The following LPCAT1 variants were observed in gnomAD, a reference collection of about 807,000 sequenced individuals.
LPCAT1 encodes lysophosphatidylcholine acyltransferase 1.
Under a neutral mutation model 60.9 loss-of-function variants are expected in LPCAT1, and 23 were observed. That is an observed-to-expected ratio of 0.38 (90% CI 0.27 to 0.53). The LOEUF (loss-of-function observed/expected upper bound fraction) is 0.53. LPCAT1 is among the 20% of genes least tolerant of loss of function. LPCAT1 has a pLI of 0.82. For synonymous variants in LPCAT1, 340 were observed against 301.1 expected (o/e 1.13, Z -1.34); for missense variants, 622 against 723.6 (o/e 0.86, Z 1.61).
At chr5:1,473,849 T>G in intron 11 of LPCAT1, 108 bp downstream of exon 11, 1 of 1,397,336 alleles carries the variant, frequency 7.2e-7, no homozygotes, top group Non-Finnish European at 9.6e-7. Context: ...TTTCCTTCTC[T>G]GCTTTCAAAT....
chr5:1,483,626 A>ACTAT lies in LPCAT1; in HGVS notation c.668-144_668-141dup, dbSNP rs1198166552. 3 of 762,940 alleles carry ACTAT rather than the reference A, an allele frequency of 3.9e-6. No homozygotes were observed. The highest frequency in any genetic ancestry group is 6.7e-6 in the Non-Finnish European group (3 of 451,000). 47.3% of individuals were successfully genotyped at this position (762,940 alleles called of 1,614,324 possible). ...GTCAGCAAGGGCACTCCATGCCTGG[A>ACTAT]CTATCTCAACATCTGTCCTGACCGT... On this transcript the variant is annotated intron_variant, in intron 5 of 13. Coordinates refer to ENST00000283415, the MANE Select transcript of LPCAT1 (RefSeq NM_024830.5). The surrounding 1 kb of genome is among the most constrained non-coding windows in gnomAD (Gnocchi z 9.2).
Position 1,523,542 on chromosome 5 carries a change from G to A in LPCAT1, c.135+168C>T, listed in dbSNP as rs1268715235. ...GAGACCGAGGCATCGGGTGCGGGCG[G>A]CGGGGACGCGAACTGAGGGGCGGCC... On this transcript the variant is annotated intron_variant, in intron 1 of 13. Coordinates refer to ENST00000283415, the MANE Select transcript of LPCAT1 (RefSeq NM_024830.5). This position sits in a 1 kb window ranked among gnomAD's most constrained non-coding sequence, Gnocchi z 7.1. 6.6e-6 allele frequency among the ~76,000 whole-genome samples: 1 copy of A among 150,606 alleles called. No homozygotes were observed. The highest frequency in any genetic ancestry group is 1.5e-5 in the Non-Finnish European group (1 of 67,480).
chr5:1,483,590 A>T lies in LPCAT1; in HGVS notation c.668-104T>A. On this transcript the variant is annotated intron_variant, in intron 5 of 13. Transcript: ENST00000283415. The surrounding 1 kb of genome is among the most constrained non-coding windows in gnomAD (Gnocchi z 9.2). ...GGGATAAAAGTGAGCTTTTCTGTCTAGGCCTTCCTGGTCAGCAAGGGCACT... is the reference window on the plus strand; with the variant it reads ...GGGATAAAAGTGAGCTTTTCTGTCTTGGCCTTCCTGGTCAGCAAGGGCACT... The T allele has an allele frequency of 8.2e-7, 1 of 1,223,174 alleles. No homozygotes were observed. Among genetic ancestry groups the T allele is most frequent in the Non-Finnish European group, 1.2e-6 (1 of 847,430 alleles). The allele number at this position is 1,223,174 out of a possible 1,614,324, so 75.8% of individuals were successfully genotyped here.
In LPCAT1 at chr5:1,481,008, GGGGCCTGCACCCA is replaced by G. The variant is rs1325713075; in HGVS notation, c.727-45_727-33del. The G allele has an allele frequency of 4.3e-6, 7 of 1,612,882 alleles. No individual in the cohort carries two copies. Among genetic ancestry groups the G allele is most frequent in the African/African-American group, 1.3e-5 (1 of 74,988 alleles). On this transcript the variant is annotated intron_variant, in intron 6 of 13. Transcript: ENST00000283415. This position sits in a 1 kb window ranked among gnomAD's most constrained non-coding sequence, Gnocchi z 7.8. ...AGGAAGAGGCAGGGTCAGTCAGCAT[GGGGCCTGCACCCA>G]GGGCCTGCACCAAGCACCTGCGTGT...
chr5:1,492,960 TG>T (rs1050061437), intron 3 of LPCAT1, among the ~76,000 whole-genome samples: 1 of 152,076 alleles, frequency 6.6e-6, no homozygotes, highest in Non-Finnish European at 1.5e-5. Context: ...TTTGCCACAG[TG>T]GGGGGGCAAA....
intron 5 of LPCAT1, among the ~76,000 whole-genome samples, chr5:1,486,939 G>A (rs1735392136): frequency 6.6e-6 from 1 of 152,224 alleles, no homozygotes; most frequent in East Asian, 1.9e-4. Flanking sequence ...TGCACACAGT[G>A]AGCTCCTACT....
At chr5:1,514,519 G>C (rs960753648) in intron 1 of LPCAT1, among the ~76,000 whole-genome samples, 4 of 152,162 alleles carry the variant, frequency 2.6e-5, no homozygotes, top group Non-Finnish European at 4.4e-5. Context: ...AAGTCCACAC[G>C]GGGCCCACAG....
At chr5:1,466,291 C>T (rs1734398618) in intron 13 of LPCAT1, among the ~76,000 whole-genome samples, 1 of 152,146 alleles carries the variant, frequency 6.6e-6, no homozygotes, top group African/African-American at 2.4e-5. Context: ...TGACTTTTCT[C>T]GGGAGGAAGT....
intron 13 of LPCAT1, among the ~76,000 whole-genome samples, chr5:1,465,509 G>A (rs915472591): frequency 2.1e-5 from 3 of 141,812 alleles, no homozygotes; most frequent in Non-Finnish European, 4.6e-5. Context: ...CAGTAAACAC[G>A]TGTGCACACA....
In LPCAT1 at chr5:1,479,641, G is replaced by A. The variant is rs375249372; in HGVS notation, c.796C>T (p.His266Tyr). The part of the protein sequence containing the change: ...EILWLTLCQF[H>Y]NQVEIEFLPV... Reference sequence around the variant, plus strand: ...CGAACCTCGATTTCCACTTGGTTGTGAAACTGACACAGCGTGAGCCACAGG... The same window carrying A: ...CGAACCTCGATTTCCACTTGGTTGTAAAACTGACACAGCGTGAGCCACAGG... The change falls in exon 8 of 14, where the codon CAC becomes TAC. Residue 266 changes from histidine (H) to tyrosine (Y), a missense_variant. Transcript: ENST00000283415. The A allele has an allele frequency of 2.9e-4, 460 of 1,612,324 alleles. 3 individuals carry two copies. The South Asian group carries it at 4.6e-3, about 16-fold the overall frequency.
intron 1 of LPCAT1, among the ~76,000 whole-genome samples, chr5:1,519,281 G>A (rs751486995): frequency 2.6e-5 from 4 of 152,228 alleles, no homozygotes; most frequent in Non-Finnish European, 4.4e-5. Flanking sequence ...GTGTACACTC[G>A]CATGTATATG....
In LPCAT1 at chr5:1,461,769, C is replaced by A. The variant is rs1031087344; in HGVS notation, c.*1882G>T. The A allele has an allele frequency of 9.2e-5, 14 of 152,648 alleles. No homozygotes were observed. The highest frequency in any genetic ancestry group is 3.1e-4 in the African/African-American group (13 of 41,442). 9.5% of individuals were successfully genotyped at this position (152,648 alleles called of 1,614,324 possible). A position where few individuals can be genotyped will look rare whatever the true frequency, so the allele number is the denominator to read the frequency against. On this transcript the variant is annotated 3_prime_UTR_variant, in exon 14 of 14. Coordinates refer to ENST00000283415, the MANE Select transcript of LPCAT1 (RefSeq NM_024830.5). The stretch of plus-strand genomic sequence containing the variant: ...GCACAGTGGCATTTCATTCAAAAAA[C>A]CCTTCATCTGCAGACCTGCGGAAGG...
At chr5:1,464,923 CACACA>C (rs1734283805) in intron 13 of LPCAT1, among the ~76,000 whole-genome samples, 1 of 151,104 alleles carries the variant, frequency 6.6e-6, no homozygotes, top group Non-Finnish European at 1.5e-5. Context: ...CATGCGTGCA[CACACA>C]AAACAAGCAC....
intron 8 of LPCAT1, among the ~76,000 whole-genome samples, chr5:1,478,231 C>A (rs1450345069): frequency 1.3e-5 from 2 of 152,276 alleles, no homozygotes; most frequent in Non-Finnish European, 2.9e-5. Flanking sequence ...ACATTGCACA[C>A]CGTGCAGGAA....
chr5:1,465,989 C>T (rs908888707), intron 13 of LPCAT1, among the ~76,000 whole-genome samples: 3 of 152,358 alleles, frequency 2.0e-5, no homozygotes, highest in Admixed American at 6.5e-5. Flanking sequence ...CTCCGGCTCC[C>T]GCACAGACGC....
At chr5:1,511,422 C>G in intron 1 of LPCAT1, among the ~76,000 whole-genome samples, 1 of 152,052 alleles carries the variant, frequency 6.6e-6, no homozygotes, top group East Asian at 1.9e-4. Context: ...GGGGATGCAC[C>G]TGCTCACCTC....
rs572649566 is a variant in LPCAT1, at chr5:1,495,395, T to C, written c.279-481A>G. Among the ~76,000 whole-genome samples the C allele has an allele frequency of 1.3e-5, 2 of 151,598 alleles. No homozygotes were observed. Among genetic ancestry groups the C allele is most frequent in the East Asian group, 3.9e-4 (2 of 5,158 alleles). On this transcript the variant is annotated intron_variant, in intron 2 of 13. Transcript: ENST00000283415. The surrounding 1 kb of genome is among the most constrained non-coding windows in gnomAD (Gnocchi z 4.7). ...CCTGCGTGCGAACTTCCCCATCTCA[T>C]CTCCACAGGAAGCCCGGGGTTCCCA...
chr5:1,477,620 A>G lies in LPCAT1; in HGVS notation c.817-134T>C. 1 of 647,648 alleles carries G rather than the reference A, an allele frequency of 1.5e-6. No individual in the cohort carries two copies. Among genetic ancestry groups the G allele is most frequent in the African/African-American group, 1.8e-5 (1 of 55,086 alleles). The allele number at this position is 647,648 out of a possible 1,614,324, so 40.1% of individuals were successfully genotyped here. ...CATTAGAACCGTCTTCAAAGTTGTC[A>G]TGTGCACGTGTGTGTACGCACACAC... On this transcript the variant is annotated intron_variant, in intron 8 of 13. Coordinates refer to ENST00000283415, the MANE Select transcript of LPCAT1 (RefSeq NM_024830.5). The surrounding 1 kb of genome is among the most constrained non-coding windows in gnomAD (Gnocchi z 6.0).
intron 1 of LPCAT1, among the ~76,000 whole-genome samples, chr5:1,517,223 G>A (rs1042975978): frequency 2.0e-5 from 3 of 152,052 alleles, no homozygotes; most frequent in Admixed American, 6.5e-5. Flanking sequence ...GGACGGTCGC[G>A]GCTCCTGGCC....
Sources: allele counts gnomAD v4.1 joint callset (sites outside exome capture counted in the v4.1 genomes callset), GRCh38; gene constraint gnomAD v4.1.1; non-coding constraint Gnocchi (gnomAD v3.1); transcripts MANE v1.5; gene names NCBI Gene and HGNC (gene_info 2026-07-23, HGNC 2026-07-21).